The following RIMBP2 variants were observed in gnomAD, a reference collection of about 807,000 sequenced individuals.
The protein encoded by RIMBP2 is RIMS binding protein 2.
A neutral mutation model predicts 118.6 loss-of-function variants in RIMBP2; 48 were observed. That is an observed-to-expected ratio of 0.40 (90% confidence interval 0.32 to 0.51). The LOEUF (loss-of-function observed/expected upper bound fraction) is 0.51, where lower values mean the gene tolerates loss of function less well. RIMBP2 is among the 20% of genes least tolerant of loss of function. The pLI is 0.41. For missense variants in RIMBP2, 1,551 were observed against 1,768.3 expected, an observed-to-expected ratio of 0.88 and a Z score of 2.20; for synonymous variants, 762 against 742.9, an observed-to-expected ratio of 1.03 and a Z score of -0.42.
intron 2 of RIMBP2, among the ~76,000 whole-genome samples, chr12:130,548,143 C>T (rs772828145): frequency 9.9e-5 from 15 of 150,930 alleles, no homozygotes; most frequent in African/African-American, 1.7e-4. Flanking sequence ...AAGAAGCCCA[C>T]GACGGAAGAC....
chr12:130,496,376 T>A (rs2049157239), intron 4 of RIMBP2, among the ~76,000 whole-genome samples: 2 of 152,070 alleles, frequency 1.3e-5, no homozygotes, highest in South Asian at 4.2e-4. Context: ...GAATGGTGAG[T>A]CCATTAAACC....
rs2061202239 is a variant in RIMBP2, at chr12:130,620,006, CCT to C, written c.-217+8314_-217+8315del. On this transcript the variant is annotated intron_variant, in intron 2 of 22. Transcript: ENST00000690449. The surrounding 1 kb of genome is among the most constrained non-coding windows in gnomAD (Gnocchi z 5.3). ...TGCGACGCTGTGCTGAAATCTGCCCCCTGACACATGGTGTGCAGACTTGACTT... is the reference window on the plus strand; with the variant it reads ...TGCGACGCTGTGCTGAAATCTGCCCCGACACATGGTGTGCAGACTTGACTT... Among the ~76,000 whole-genome samples, 5 of 152,264 alleles carry C rather than the reference CCT, an allele frequency of 3.3e-5. No individual in the cohort carries two copies. The highest frequency in any genetic ancestry group is 9.6e-5 in the African/African-American group (4 of 41,552).
intron 1 of RIMBP2, among the ~76,000 whole-genome samples, chr12:130,712,961 C>T (rs567302411): frequency 6.6e-6 from 1 of 151,514 alleles, no homozygotes; most frequent in Non-Finnish European, 1.5e-5. Flanking sequence ...AGATTTTCTT[C>T]AAGGAAAGAT....
intron 2 of RIMBP2, among the ~76,000 whole-genome samples, chr12:130,571,536 T>C (rs1244205433): frequency 1.3e-5 from 2 of 151,696 alleles, no homozygotes; most frequent in Admixed American, 6.6e-5. Flanking sequence ...TCTCCTGCCT[T>C]AGCCTCCCGG....
intron 17 of RIMBP2, among the ~76,000 whole-genome samples, chr12:130,414,886 A>G (rs1348811469): frequency 6.6e-6 from 1 of 152,234 alleles, no homozygotes; most frequent in Admixed American, 6.5e-5. Context: ...AGACACACAC[A>G]ACCTCCCAGG....
intron 1 of RIMBP2, among the ~76,000 whole-genome samples, chr12:130,706,369 C>T (rs947981176): frequency 2.0e-5 from 3 of 152,224 alleles, no homozygotes; most frequent in African/African-American, 4.8e-5. Flanking sequence ...ACAACGAAAG[C>T]GCAGAGAGGT....
chr12:130,596,870 A>C (rs1455710603), intron 2 of RIMBP2, among the ~76,000 whole-genome samples: 1 of 152,250 alleles, frequency 6.6e-6, no homozygotes, highest in East Asian at 1.9e-4. Context: ...ATTTCGTGGA[A>C]GATACAAATG....
intron 1 of RIMBP2, among the ~76,000 whole-genome samples, chr12:130,713,838 C>T (rs559720851): frequency 3.9e-5 from 6 of 152,314 alleles, no homozygotes; most frequent in Admixed American, 3.3e-4. Context: ...CACTCAGCTT[C>T]ATGTATGACC....
At chr12:130,514,783 G>C (rs191212448) in intron 3 of RIMBP2, among the ~76,000 whole-genome samples, 3 of 152,186 alleles carry the variant, frequency 2.0e-5, no homozygotes, top group African/African-American at 7.2e-5. Context: ...CAGTGTGAGT[G>C]AGTTTAGCAG....
At chr12:130,529,325 A>T (rs2053136857) in intron 2 of RIMBP2, among the ~76,000 whole-genome samples, 1 of 152,236 alleles carries the variant, frequency 6.6e-6, no homozygotes, top group African/African-American at 2.4e-5. Context: ...TACAACAGGG[A>T]TGAACCTCAA....
chr12:130,708,759 T>C (rs1278270297), intron 1 of RIMBP2, among the ~76,000 whole-genome samples: 1 of 152,162 alleles, frequency 6.6e-6, no homozygotes, highest in Non-Finnish European at 1.5e-5. Flanking sequence ...CTGCACCTTC[T>C]CTAAGAGGCT....
rs2052357643 is a variant in RIMBP2 at position 130,523,191 on chromosome 12, A to C, written c.-216-5274T>G. Among the ~76,000 whole-genome samples, 1 of 148,750 alleles carries C rather than the reference A, an allele frequency of 6.7e-6. No individual in the cohort carries two copies. The highest frequency in any genetic ancestry group is 1.5e-5 in the Non-Finnish European group (1 of 67,182). ...TCTGTTTCTCTGCCTCTCTGTCTCTATTTCTCTGTGTTGGGGGGGGTTTCT... is the reference window on the plus strand; with the variant it reads ...TCTGTTTCTCTGCCTCTCTGTCTCTCTTTCTCTGTGTTGGGGGGGGTTTCT... On this transcript the variant is annotated intron_variant, in intron 2 of 22. Transcript: ENST00000690449. This position sits in a 1 kb window ranked among gnomAD's most constrained non-coding sequence, Gnocchi z 4.4.
At chr12:130,508,769 G>A (rs973596974) in intron 3 of RIMBP2, among the ~76,000 whole-genome samples, 2 of 152,116 alleles carry the variant, frequency 1.3e-5, no homozygotes. Context: ...CATCATCAGC[G>A]CCCAGAGGAC....
At chr12:130,445,114 G>T in intron 10 of RIMBP2, 46 bp downstream of exon 10, 1 of 1,304,500 alleles carries the variant, frequency 7.7e-7, no homozygotes, top group Non-Finnish European at 1.1e-6. Context: ...TCTGCGGGGT[G>T]GACTGGCCCA....
intron 11 of RIMBP2, among the ~76,000 whole-genome samples, chr12:130,439,624 T>G (rs1593301459): frequency 1.1e-5 from 1 of 94,488 alleles, no homozygotes; most frequent in Non-Finnish European, 2.0e-5. Context: ...TGTGGGTGTG[T>G]GGGGGTGTCT....
At chr12:130,467,413 C>G (rs567166343) in intron 6 of RIMBP2, among the ~76,000 whole-genome samples, 2 of 152,328 alleles carry the variant, frequency 1.3e-5, no homozygotes, top group Non-Finnish European at 2.9e-5. Context: ...TGGTCCCCAC[C>G]CAGGAACTGA....
At chr12:130,705,132 T>C (rs2066039417) in intron 1 of RIMBP2, among the ~76,000 whole-genome samples, 1 of 152,182 alleles carries the variant, frequency 6.6e-6, no homozygotes, top group Admixed American at 6.5e-5. Flanking sequence ...GCCACATTGC[T>C]CTGGTTCCGC....
At chr12:130,521,689 T>C (rs535620893) in intron 2 of RIMBP2, among the ~76,000 whole-genome samples, 50 of 152,186 alleles carry the variant, frequency 3.3e-4, no homozygotes, top group Non-Finnish European at 6.3e-4. Flanking sequence ...CCCACACTGC[T>C]GGGACCCTGA....
intron 2 of RIMBP2, among the ~76,000 whole-genome samples, chr12:130,600,350 C>T (rs1268623651): frequency 6.6e-6 from 1 of 152,234 alleles, no homozygotes; most frequent in African/African-American, 2.4e-5. Flanking sequence ...AAACCCCTCC[C>T]CGACCAGAGA....
Sources: allele counts gnomAD v4.1 joint callset (sites outside exome capture counted in the v4.1 genomes callset), GRCh38; gene constraint gnomAD v4.1.1; non-coding constraint Gnocchi (gnomAD v3.1); transcripts MANE v1.5; gene names NCBI Gene and HGNC (gene_info 2026-07-23, HGNC 2026-07-21).